Variants in ENTREP2 observed in about 807,000 individuals in gnomAD.
The protein encoded by ENTREP2 is endosomal transmembrane epsin interactor 2.
At chr15:29,538,585 G>A in the ENTREP2 span, among the ~76,000 whole-genome samples, 6 of 146,924 alleles carry the variant, frequency 4.1e-5, no homozygotes, top group African/African-American at 1.5e-4. Flanking sequence ...ACAAGATCAG[G>A]AGATCGAGAC....
the ENTREP2 span, among the ~76,000 whole-genome samples, chr15:29,384,793 T>G: frequency 6.6e-6 from 1 of 152,052 alleles, no homozygotes. Context: ...CGACTCTTCT[T>G]ATCCCTCAAG....
the ENTREP2 span, among the ~76,000 whole-genome samples, chr15:29,334,746 A>G: frequency 6.6e-6 from 1 of 152,082 alleles, no homozygotes; most frequent in African/African-American, 2.4e-5. Context: ...CAGAGGTGAC[A>G]CTCTGGGACA....
At chr15:29,650,157 G>A in the ENTREP2 span, among the ~76,000 whole-genome samples, 1 of 151,626 alleles carries the variant, frequency 6.6e-6, no homozygotes, top group East Asian at 1.9e-4. Flanking sequence ...AAGTAGAAAA[G>A]CCACTGCAAT....
chr15:29,465,993 GTTCA>G, the ENTREP2 span, among the ~76,000 whole-genome samples: 1 of 152,158 alleles, frequency 6.6e-6, no homozygotes, highest in Non-Finnish European at 1.5e-5. Context: ...GAACTGCCAG[GTTCA>G]TTCATTTATC....
the ENTREP2 span, among the ~76,000 whole-genome samples, chr15:29,380,087 T>C: frequency 2.6e-5 from 4 of 151,814 alleles, no homozygotes; most frequent in South Asian, 2.1e-4. Context: ...GGTGGGGAGA[T>C]AGTGACAAAA....
chr15:29,425,060 G>A, the ENTREP2 span, among the ~76,000 whole-genome samples: 63 of 152,044 alleles, frequency 4.1e-4, no homozygotes, highest in African/African-American at 1.1e-3. Context: ...ATGGAGTCTC[G>A]CTCTGTTGCC....
At chr15:29,150,967 TAC>T in the ENTREP2 span, among the ~76,000 whole-genome samples, 6 of 151,742 alleles carry the variant, frequency 4.0e-5, no homozygotes, top group African/African-American at 1.2e-4. Context: ...CACACACTCA[TAC>T]ACACACACAC....
At chr15:29,180,348 C>G in the ENTREP2 span, among the ~76,000 whole-genome samples, 1 of 152,178 alleles carries the variant, frequency 6.6e-6, no homozygotes, top group Admixed American at 6.5e-5. Context: ...TACCTGACTA[C>G]AGTACAATTA....
At chr15:29,648,336 T>A in the ENTREP2 span, among the ~76,000 whole-genome samples, 1 of 152,214 alleles carries the variant, frequency 6.6e-6, no homozygotes, top group Non-Finnish European at 1.5e-5. Flanking sequence ...ATTAACTCCA[T>A]GGGTTGCCCA....
chr15:29,552,372 A>T, the ENTREP2 span, among the ~76,000 whole-genome samples: 1 of 152,204 alleles, frequency 6.6e-6, no homozygotes, highest in African/African-American at 2.4e-5. Context: ...AACCACTGGA[A>T]AAACTAAAAG....
the ENTREP2 span, among the ~76,000 whole-genome samples, chr15:29,526,990 C>G: frequency 2.0e-5 from 3 of 152,216 alleles, no homozygotes; most frequent in African/African-American, 7.2e-5. Flanking sequence ...CTCAGCTTCT[C>G]AGTTGTCACC....
chr15:29,469,866 C>G, the ENTREP2 span, among the ~76,000 whole-genome samples: 4 of 152,240 alleles, frequency 2.6e-5, no homozygotes, highest in Non-Finnish European at 5.9e-5. Flanking sequence ...CCGTAAGACT[C>G]TGATTAAAGT....
the ENTREP2 span, among the ~76,000 whole-genome samples, chr15:29,253,781 A>G: frequency 3.9e-3 from 590 of 152,112 alleles, 6 homozygotes; most frequent in Admixed American, 5.4e-3. Flanking sequence ...GCCATTTTTA[A>G]TGATGACAGA....
At chr15:29,629,021 A>G in the ENTREP2 span, among the ~76,000 whole-genome samples, 1 of 152,156 alleles carries the variant, frequency 6.6e-6, no homozygotes, top group Admixed American at 6.6e-5. Flanking sequence ...GAGTGCTGGG[A>G]TTAGATGTGT....
At chr15:29,416,116 T>C in the ENTREP2 span, among the ~76,000 whole-genome samples, 2 of 152,276 alleles carry the variant, frequency 1.3e-5, no homozygotes, top group South Asian at 2.1e-4. Flanking sequence ...AAGCTACCAA[T>C]GGCTTTCTTC....
the ENTREP2 span, among the ~76,000 whole-genome samples, chr15:29,624,276 T>A: frequency 2.5e-4 from 38 of 152,236 alleles, no homozygotes; most frequent in Middle Eastern, 6.8e-3. Context: ...TACCAGAAAA[T>A]CAAAATGATT....
chr15:29,232,110 C>A, the ENTREP2 span, among the ~76,000 whole-genome samples: 1 of 151,960 alleles, frequency 6.6e-6, no homozygotes, highest in South Asian at 2.1e-4. Flanking sequence ...AGGCTGGTCT[C>A]GAACCCCTGA....
the ENTREP2 span, among the ~76,000 whole-genome samples, chr15:29,411,990 T>G: frequency 2.0e-3 from 306 of 152,346 alleles, 5 homozygotes; most frequent in Admixed American, 0.018. Context: ...AAAATGAGTC[T>G]TATACGTGGT....
chr15:29,674,128 TGGGGGG>T, the ENTREP2 span, among the ~76,000 whole-genome samples: 5 of 46,092 alleles, frequency 1.1e-4, 1 homozygote, highest in African/African-American at 3.1e-4. Context: ...CTGCAGAGGA[TGGGGGG>T]GGGGGGGGGC....
Sources: gnomAD v4.1 joint callset for allele counts (sites outside exome capture counted in the v4.1 genomes callset) on GRCh38, gnomAD v4.1.1 for gene constraint, MANE v1.5 for transcripts, NCBI Gene and HGNC (gene_info 2026-07-23, HGNC 2026-07-21) for gene names.